The following DCBLD1 variants were observed in gnomAD, a reference collection of about 807,000 sequenced individuals.
DCBLD1 encodes discoidin, CUB and LCCL domain-containing protein 1.
DCBLD1 carries 57 observed loss-of-function variants against 71.5 expected under a neutral mutation model. That is an observed-to-expected ratio of 0.80 (90% confidence interval 0.64 to 0.99). The LOEUF (loss-of-function observed/expected upper bound fraction) is 0.99, where lower values mean the gene tolerates loss of function less well. DCBLD1 is among the 50% of genes least tolerant of loss of function. DCBLD1 has a pLI of 0.00. For synonymous variants in DCBLD1, 380 were observed against 363.8 expected, an observed-to-expected ratio of 1.04 and a Z score of -0.51; for missense variants, 891 against 923.5, an observed-to-expected ratio of 0.96 and a Z score of 0.46.
intron 2 of DCBLD1, among the ~76,000 whole-genome samples, chr6:117,504,332 C>T (rs1170073843): frequency 6.6e-6 from 1 of 152,174 alleles, no homozygotes; most frequent in East Asian, 1.9e-4. Flanking sequence ...GGTACTCTGT[C>T]AGGAACTGGG....
chr6:117,548,254 C>T lies in DCBLD1; in HGVS notation c.1963C>T (p.Pro655Ser), dbSNP rs779698146. 6.4e-7 allele frequency: 1 copy of T among 1,550,644 alleles called. No individual in the cohort carries two copies. The highest frequency in any genetic ancestry group is 8.7e-7 in the Non-Finnish European group (1 of 1,146,998). The change falls in exon 15 of 15, where the codon CCA (proline) becomes TCA (serine). Residue 655 changes from proline to serine, a missense_variant. By Grantham distance (74) the Pro-to-Ser change is moderately conservative (BLOSUM62 -1). Transcript: ENST00000338728. ...VGAQDGDYQR[P>S]HSAQPADRGY... is the part of the protein sequence containing the mutation. ...CGCCCAGGACGGAGACTATCAAAGG[C>T]CACACAGCGCACAGCCTGCGGACAG...
chr6:117,537,031 A>T (rs968368737), intron 6 of DCBLD1, among the ~76,000 whole-genome samples, 154 bp from the exon 7 acceptor site: 9 of 152,150 alleles, frequency 5.9e-5, no homozygotes, highest in Non-Finnish European at 1.3e-4. Flanking sequence ...AATACCAGTG[A>T]TGAAGATAAT....
At chr6:117,484,073 A>T (rs1777001575) in intron 1 of DCBLD1, among the ~76,000 whole-genome samples, 3 of 152,230 alleles carry the variant, frequency 2.0e-5, no homozygotes, top group Admixed American at 6.5e-5. Context: ...ATAAATACGT[A>T]AGATTTTGTT....
rs1227749557 is a variant in DCBLD1, at chr6:117,519,863, A to C, written c.373A>C (p.Thr125Pro). The C allele has an allele frequency of 6.2e-7, 1 of 1,614,108 alleles. No individual in the cohort carries two copies. Among genetic ancestry groups the C allele is most frequent in the South Asian group, 1.1e-5 (1 of 91,070 alleles). ...TGTTCCCAAAGAACTCTTGTTGAAC[A>C]CAAGTGAAGTAACCGTCCGCTTTGA... Reference protein sequence around the residue: ...MTVPKELLLNTSEVTVRFESG... With the variant: ...MTVPKELLLNPSEVTVRFESG... The change falls in exon 3 of 15, where the codon ACA becomes CCA. Residue 125 changes from threonine to proline, a missense_variant. By Grantham distance (38) the Thr-to-Pro change is conservative. Coordinates refer to ENST00000338728, the MANE Select transcript of DCBLD1 (RefSeq NM_001366458.2).
chr6:117,544,353 T>G, intron 12 of DCBLD1, 175 bp from the exon 13 acceptor site: 1 of 499,506 alleles, frequency 2.0e-6, no homozygotes, highest in African/African-American at 2.0e-5. Context: ...GAGATAAATT[T>G]ATAGATAATT....
chr6:117,531,459 G>A lies in DCBLD1; in HGVS notation c.586-801G>A, dbSNP rs1027205472. On this transcript the variant is annotated intron_variant, in intron 5 of 14. Transcript: ENST00000338728. ...TGTAGCGCCACTTCCTGACAGAGCC[G>A]ATTCCAATCCCACAACCGCCTGTAA... is the stretch of plus-strand genomic sequence containing the variant. Among the ~76,000 whole-genome samples the A allele has an allele frequency of 2.0e-5, 3 of 152,256 alleles. No individual in the cohort carries two copies. The South Asian group carries it at 6.2e-4, about 32-fold the overall frequency.
chr6:117,545,703 T>C, intron 14 of DCBLD1, 106 bp downstream of exon 14: 1 of 1,444,062 alleles, frequency 6.9e-7, no homozygotes, highest in Non-Finnish European at 9.3e-7. Flanking sequence ...TTAGATAGGG[T>C]CCAGTAAATC....
intron 1 of DCBLD1, among the ~76,000 whole-genome samples, chr6:117,486,078 A>G (rs531966428): frequency 6.7e-4 from 102 of 152,338 alleles, no homozygotes; most frequent in African/African-American, 2.4e-3. Flanking sequence ...AACTGTTTTT[A>G]TTAACTTTTC....
At chr6:117,553,303 C>T (rs897245138), downstream of DCBLD1, among the ~76,000 whole-genome samples, 5 of 152,188 alleles carry the variant, frequency 3.3e-5, no homozygotes, top group African/African-American at 1.2e-4. Flanking sequence ...CTGCTGATTC[C>T]TCTTCTCACA....
At chr6:117,521,651 T>C in intron 4 of DCBLD1, 75 bp downstream of exon 4, 1 of 1,251,252 alleles carries the variant, frequency 8.0e-7, no homozygotes, top group Non-Finnish European at 1.1e-6. Flanking sequence ...TTAAACCAGA[T>C]ACGTTTGTAC....
rs141076594 is a variant in DCBLD1, at chr6:117,540,692, C to G, written c.1126C>G (p.Arg376Gly). The G allele has an allele frequency of 3.1e-6, 5 of 1,614,040 alleles. No individual in the cohort carries two copies. Among genetic ancestry groups the G allele is most frequent in the Admixed American group, 1.7e-5 (1 of 59,998 alleles). The change falls in exon 10 of 15, where the codon CGG becomes GGG. Residue 376 changes from arginine to glycine, a missense_variant. Arg to Gly is a moderately radical substitution (Grantham distance 125). Transcript: ENST00000338728. ...GGTGTTTCAGGGTAACTCTAACTTTCGGGACCCAGTGCAAAACAATTTCAT... is the reference window on the plus strand; with the variant it reads ...GGTGTTTCAGGGTAACTCTAACTTTGGGGACCCAGTGCAAAACAATTTCAT... ...EKVFQGNSNF[R>G]DPVQNNFIPP... is the part of the protein sequence containing the mutation.
Position 117,487,401 on chromosome 6 carries a change from G to A in DCBLD1, c.112+4508G>A, listed in dbSNP as rs151237419. Among the ~76,000 whole-genome samples the A allele has an allele frequency of 9.3e-4, 142 of 152,244 alleles. 1 individual carries two copies. The highest frequency in any genetic ancestry group is 3.1e-3 in the African/African-American group (130 of 41,542). ...AGCACTTTGGGTGGTTGAGGCAGGCGGATCACTTGAGCTCAGGAGTTTGAG... is the reference window on the plus strand; with the variant it reads ...AGCACTTTGGGTGGTTGAGGCAGGCAGATCACTTGAGCTCAGGAGTTTGAG... On this transcript the variant is annotated intron_variant, in intron 1 of 14. Coordinates refer to ENST00000338728, the MANE Select transcript of DCBLD1 (RefSeq NM_001366458.2).
intron 1 of DCBLD1, among the ~76,000 whole-genome samples, chr6:117,490,567 A>G (rs1200881020): frequency 2.6e-5 from 4 of 152,228 alleles, no homozygotes; most frequent in Admixed American, 6.5e-5. Flanking sequence ...AGAAAAGTAC[A>G]TAAGTTTAAA....
intron 6 of DCBLD1, among the ~76,000 whole-genome samples, chr6:117,534,337 C>T (rs1246438312): frequency 6.6e-6 from 1 of 152,138 alleles, no homozygotes; most frequent in Non-Finnish European, 1.5e-5. Flanking sequence ...AAGTTTACAT[C>T]CTGATTTATA....
At position 117,542,441 on chromosome 6, in the gene DCBLD1, A is replaced by G. The variant is rs142918933; in HGVS notation, c.1358-683A>G. Among the ~76,000 whole-genome samples, 46 of 152,294 alleles carry G rather than the reference A, an allele frequency of 3.0e-4. 1 individual carries two copies. The highest frequency in any genetic ancestry group is 1.1e-3 in the African/African-American group (45 of 41,574). The stretch of plus-strand genomic sequence containing the variant: ...CCTTTATTTTCTTCCCAGGGATCAC[A>G]GAAGAGAAAGATGAAGAGCAAATAT... On this transcript the variant is annotated intron_variant, in intron 11 of 14. Coordinates refer to ENST00000338728, the MANE Select transcript of DCBLD1 (RefSeq NM_001366458.2).
chr6:117,532,602 T>C (rs1169932168), intron 6 of DCBLD1, among the ~76,000 whole-genome samples: 2 of 152,250 alleles, frequency 1.3e-5, no homozygotes, highest in African/African-American at 2.4e-5. Flanking sequence ...TATGCTGACA[T>C]GTAAATTAAA....
At chr6:117,533,550 A>G (rs1026794587) in intron 6 of DCBLD1, among the ~76,000 whole-genome samples, 4 of 152,178 alleles carry the variant, frequency 2.6e-5, no homozygotes, top group African/African-American at 9.7e-5. Flanking sequence ...TTAGTTAGCA[A>G]TGTCATAGGT....
At chr6:117,514,442 A>C (rs1778123670) in intron 2 of DCBLD1, among the ~76,000 whole-genome samples, 1 of 151,940 alleles carries the variant, frequency 6.6e-6, no homozygotes, top group Non-Finnish European at 1.5e-5. Flanking sequence ...TCATCTCTAC[A>C]AAAAAAATCA....
chr6:117,553,745 A>AT (rs1779460420), downstream of DCBLD1, among the ~76,000 whole-genome samples: 1 of 152,070 alleles, frequency 6.6e-6, no homozygotes, highest in South Asian at 2.1e-4. Flanking sequence ...AGTACTGCAC[A>AT]TTTTTTGTTT....
Sources: gnomAD v4.1 joint callset for allele counts (sites outside exome capture counted in the v4.1 genomes callset) on GRCh38, gnomAD v4.1.1 for gene constraint, MANE v1.5 for transcripts, NCBI Gene and HGNC (gene_info 2026-07-23, HGNC 2026-07-21) for gene names.